Variants in MAST4 observed in about 807,000 individuals in gnomAD.
The protein encoded by MAST4 is microtubule associated serine/threonine kinase family member 4.
In MAST4, 89 loss-of-function variants were observed where a neutral mutation model predicts 162.7. The ratio of observed to expected loss-of-function variants is 0.55; its 90% CI spans 0.46 to 0.65. The LOEUF is 0.65. Among genes scored for constraint, MAST4 ranks in the 30% least tolerant of loss-of-function variants. The pLI is 0.00. For missense variants in MAST4, 3,153 were observed against 3,374.0 expected (o/e 0.93, Z 1.62); for synonymous variants, 1,479 against 1,361.1 (o/e 1.09, Z -1.91).
intron 5 of MAST4, among the ~76,000 whole-genome samples, chr5:67,059,913 A>G (rs1759338559): frequency 6.6e-6 from 1 of 152,162 alleles, no homozygotes; most frequent in South Asian, 2.1e-4. Context: ...GGTTTGGGCA[A>G]CAAAACAAAA....
At chr5:67,133,735 A>G in intron 17 of MAST4, 89 bp downstream of exon 17, 1 of 1,402,096 alleles carries the variant, frequency 7.1e-7, no homozygotes, top group Non-Finnish European at 9.9e-7. Flanking sequence ...GGCCATCTTC[A>G]CATTAGTGCT....
At chr5:67,095,032 T>C (rs1267946687) in intron 6 of MAST4, among the ~76,000 whole-genome samples, 3 of 152,186 alleles carry the variant, frequency 2.0e-5, no homozygotes, top group African/African-American at 4.8e-5. Flanking sequence ...ATTCTAAGCA[T>C]AAGGTCAGTT....
chr5:67,036,964 T>C (rs929749000), intron 4 of MAST4, among the ~76,000 whole-genome samples: 1 of 152,178 alleles, frequency 6.6e-6, no homozygotes, highest in Admixed American at 6.5e-5. Flanking sequence ...CTGTCTTTTG[T>C]TCATTGTCAT....
chr5:66,878,896 G>T (rs561209076), intron 3 of MAST4, among the ~76,000 whole-genome samples: 1 of 152,142 alleles, frequency 6.6e-6, no homozygotes, highest in African/African-American at 2.4e-5. Context: ...TGAAAAATGG[G>T]CAAAGGAAAC....
chr5:67,074,355 A>G (rs1761342561), intron 5 of MAST4, among the ~76,000 whole-genome samples: 1 of 152,212 alleles, frequency 6.6e-6, no homozygotes, highest in Non-Finnish European at 1.5e-5. Context: ...ATGTAAATTT[A>G]CAATGGTTTT....
At chr5:66,907,070 G>A (rs1037383214) in intron 4 of MAST4, among the ~76,000 whole-genome samples, 9 of 151,514 alleles carry the variant, frequency 5.9e-5, no homozygotes, top group South Asian at 4.2e-4. Context: ...TTTATCACAC[G>A]ACCAGGAAAG....
chr5:66,656,026 G>A (rs577072931), intron 1 of MAST4, among the ~76,000 whole-genome samples: 1 of 152,296 alleles, frequency 6.6e-6, no homozygotes, highest in Admixed American at 6.5e-5. Flanking sequence ...TAAAAGCTGG[G>A]AATGGCATCT....
intron 1 of MAST4, among the ~76,000 whole-genome samples, chr5:66,621,677 T>G (rs1744086370): frequency 6.6e-6 from 1 of 152,210 alleles, no homozygotes; most frequent in South Asian, 2.1e-4. Flanking sequence ...TATTCATTCC[T>G]CCGTCTACCC....
At chr5:67,009,986 T>C (rs1289104470) in intron 4 of MAST4, among the ~76,000 whole-genome samples, 1 of 152,180 alleles carries the variant, frequency 6.6e-6, no homozygotes, top group Non-Finnish European at 1.5e-5. Context: ...CTGGGGTTTT[T>C]GACTCCAGGA....
chr5:67,012,614 A>G (rs1413210433), intron 4 of MAST4, among the ~76,000 whole-genome samples: 1 of 152,228 alleles, frequency 6.6e-6, no homozygotes, highest in Non-Finnish European at 1.5e-5. Flanking sequence ...TACTAAAAGT[A>G]GAGTCAGTCT....
At chr5:66,840,996 C>A (rs978215017) in intron 3 of MAST4, among the ~76,000 whole-genome samples, 3 of 152,184 alleles carry the variant, frequency 2.0e-5, no homozygotes, top group African/African-American at 7.2e-5. Context: ...TATTAAATTT[C>A]TGTTTGAATG....
chr5:66,614,086 T>C lies in MAST4; in HGVS notation c.363+17068T>C, dbSNP rs543376916. On this transcript the variant is annotated intron_variant, in intron 1 of 28. Coordinates refer to ENST00000403625, the MANE Select transcript of MAST4 (RefSeq NM_001164664.2). ...CTAGGTATAAATGTCTAAGCCAGGA[T>C]GGAACAATTAGGGCAGTTCAGCTTT... 2.6e-4 allele frequency among the ~76,000 whole-genome samples: 39 copies of C among 152,332 alleles called. 1 individual carries two copies. The highest frequency in any genetic ancestry group is 6.3e-4 in the African/African-American group (26 of 41,574).
chr5:66,845,088 TA>T (rs1758724471), intron 3 of MAST4, among the ~76,000 whole-genome samples: 4 of 13,876 alleles, frequency 2.9e-4, no homozygotes, highest in South Asian at 5.5e-3. Flanking sequence ...CTAATCTTTA[TA>T]TATATATATA....
chr5:67,014,286 C>G (rs983906001), intron 4 of MAST4, among the ~76,000 whole-genome samples: 1 of 152,166 alleles, frequency 6.6e-6, no homozygotes, highest in Non-Finnish European at 1.5e-5. Context: ...GTTGCCTTGG[C>G]AAGTTGAATG....
At chr5:66,994,755 T>A (rs1237763328) in intron 4 of MAST4, among the ~76,000 whole-genome samples, 1 of 152,218 alleles carries the variant, frequency 6.6e-6, no homozygotes, top group Admixed American at 6.5e-5. Flanking sequence ...AGTTAGGGTG[T>A]TTTGGAGAAA....
intron 1 of MAST4, among the ~76,000 whole-genome samples, chr5:66,617,474 TA>T (rs34465672): frequency 0.036 from 5,217 of 142,974 alleles, 220 homozygotes; most frequent in South Asian, 0.16. Context: ...AGAGAAGGGT[TA>T]TTTTTTTTTT....
intron 4 of MAST4, among the ~76,000 whole-genome samples, chr5:66,945,599 C>T (rs116663309): frequency 0.011 from 1,675 of 152,140 alleles, 26 homozygotes; most frequent in African/African-American, 0.038. Context: ...CAAGGAGAAG[C>T]GCATGCCGTG....
chr5:67,075,479 G>T (rs912256553), intron 5 of MAST4, among the ~76,000 whole-genome samples: 8 of 630 alleles, frequency 0.013, no homozygotes. Context: ...CCTGGCTTTG[G>T]AGTGTTTTTT....
At chr5:66,672,771 C>T (rs775051072) in intron 1 of MAST4, among the ~76,000 whole-genome samples, 84 of 152,122 alleles carry the variant, frequency 5.5e-4, no homozygotes, top group African/African-American at 4.6e-4. Context: ...CTTCTGGACC[C>T]GAGTGAGGAA....
Sources: allele counts gnomAD v4.1 joint callset (sites outside exome capture counted in the v4.1 genomes callset), GRCh38; gene constraint gnomAD v4.1.1; transcripts MANE v1.5; gene names NCBI Gene and HGNC (gene_info 2026-07-23, HGNC 2026-07-21).